The following KCNIP4 variants were observed in gnomAD, a reference collection of about 807,000 sequenced individuals.
The protein encoded by KCNIP4 is Kv channel-interacting protein 4.
In KCNIP4, 12 loss-of-function variants were observed where a neutral mutation model predicts 34.0. The ratio of observed to expected loss-of-function variants is 0.35; its 90% CI spans 0.23 to 0.57. The LOEUF (loss-of-function observed/expected upper bound fraction) is 0.57. KCNIP4 is among the 20% of genes least tolerant of loss of function. The probability of loss-of-function intolerance (pLI) is 0.83; values close to 1 mark genes in which losing one functional copy is unlikely to be tolerated. For synonymous variants in KCNIP4, 124 were observed against 102.2 expected (o/e 1.21, Z -1.29); for missense variants, 238 against 311.7 (o/e 0.76, Z 1.78).
At chr4:21,358,497 C>T (rs976512585) in intron 1 of KCNIP4, among the ~76,000 whole-genome samples, 5 of 152,062 alleles carry the variant, frequency 3.3e-5, no homozygotes, top group African/African-American at 9.7e-5. Context: ...ATAGCTCAAA[C>T]AAGACCAAAA....
chr4:21,796,369 T>A (rs934639208), intron 1 of KCNIP4, among the ~76,000 whole-genome samples: 1 of 152,160 alleles, frequency 6.6e-6, no homozygotes, highest in Non-Finnish European at 1.5e-5. Flanking sequence ...CAACTCTTCA[T>A]GGTGTTGACT....
intron 1 of KCNIP4, among the ~76,000 whole-genome samples, chr4:20,962,304 A>G (rs1318538262): frequency 6.6e-6 from 1 of 152,196 alleles, no homozygotes; most frequent in Non-Finnish European, 1.5e-5. Context: ...TGTGACTGTC[A>G]GCATCACTCC....
At chr4:21,285,702 A>G (rs1258581049) in intron 1 of KCNIP4, among the ~76,000 whole-genome samples, 1 of 151,908 alleles carries the variant, frequency 6.6e-6, no homozygotes, top group Non-Finnish European at 1.5e-5. Context: ...AAAGCCAGGC[A>G]TGGTAGTAGG....
chr4:21,055,914 G>T (rs1743357861), intron 1 of KCNIP4, among the ~76,000 whole-genome samples: 1 of 152,140 alleles, frequency 6.6e-6, no homozygotes, highest in South Asian at 2.1e-4. Context: ...ACAATATCTA[G>T]AGTGAACCCT....
intron 1 of KCNIP4, among the ~76,000 whole-genome samples, chr4:21,542,787 C>G (rs898931329): frequency 6.6e-6 from 1 of 151,082 alleles, no homozygotes. Context: ...AATGAAGAAG[C>G]TCTTGGATTC....
intron 1 of KCNIP4, among the ~76,000 whole-genome samples, chr4:21,043,401 C>A (rs746532416): frequency 6.6e-6 from 1 of 152,198 alleles, no homozygotes; most frequent in African/African-American, 2.4e-5. Flanking sequence ...GCGATCTCAA[C>A]ACACTGCAAC....
At chr4:20,906,694 C>A (rs1169432653) in intron 1 of KCNIP4, among the ~76,000 whole-genome samples, 1 of 152,186 alleles carries the variant, frequency 6.6e-6, no homozygotes, top group Non-Finnish European at 1.5e-5. Flanking sequence ...CACATTAGAG[C>A]CAATATACCC....
intron 3 of KCNIP4, among the ~76,000 whole-genome samples, chr4:20,789,797 A>G (rs896367624): frequency 2.6e-5 from 4 of 151,236 alleles, no homozygotes; most frequent in African/African-American, 9.7e-5. Flanking sequence ...CTCAGATATT[A>G]GCTGAGCCAT....
chr4:21,915,234 T>G (rs529762156), intron 1 of KCNIP4, among the ~76,000 whole-genome samples: 2 of 152,232 alleles, frequency 1.3e-5, no homozygotes, highest in African/African-American at 4.8e-5. Flanking sequence ...ACTCACAAAA[T>G]TGGCTGAAAT....
chr4:20,956,973 T>C (rs1438913572), intron 1 of KCNIP4, among the ~76,000 whole-genome samples: 3 of 152,056 alleles, frequency 2.0e-5, no homozygotes. Context: ...CTGATGTATA[T>C]AGTTTGATTA....
chr4:21,477,595 C>T (rs959778041), intron 1 of KCNIP4, among the ~76,000 whole-genome samples: 1 of 152,114 alleles, frequency 6.6e-6, no homozygotes, highest in Non-Finnish European at 1.5e-5. Flanking sequence ...ATATATATAA[C>T]TAACTTTCCT....
At chr4:21,365,407 C>T (rs774153912) in intron 1 of KCNIP4, among the ~76,000 whole-genome samples, 11 of 150,966 alleles carry the variant, frequency 7.3e-5, no homozygotes, top group Non-Finnish European at 1.2e-4. Context: ...ATCCCTTGAA[C>T]CTGAAGGGTG....
chr4:21,398,562 C>G (rs1414568900), intron 1 of KCNIP4, among the ~76,000 whole-genome samples: 1 of 152,242 alleles, frequency 6.6e-6, no homozygotes, highest in Non-Finnish European at 1.5e-5. Context: ...AATGCATACA[C>G]ATGCACATGT....
chr4:21,586,839 G>A (rs1001659203), intron 1 of KCNIP4, among the ~76,000 whole-genome samples: 3 of 152,038 alleles, frequency 2.0e-5, no homozygotes, highest in Non-Finnish European at 4.4e-5. Context: ...TCACTTATGT[G>A]TGTGCTATTC....
At chr4:21,871,835 T>A (rs1725838909) in intron 1 of KCNIP4, among the ~76,000 whole-genome samples, 1 of 136,082 alleles carries the variant, frequency 7.3e-6, no homozygotes, top group Non-Finnish European at 1.5e-5. Context: ...TGTTCACTGA[T>A]CCCCTCTCCT....
At chr4:21,129,299 C>T (rs1340069815) in intron 1 of KCNIP4, among the ~76,000 whole-genome samples, 11 of 152,100 alleles carry the variant, frequency 7.2e-5, no homozygotes, top group African/African-American at 1.9e-4. Flanking sequence ...TCCCAGTCTC[C>T]GGTATGTCTT....
At chr4:21,004,452 C>A (rs1327863022) in intron 1 of KCNIP4, among the ~76,000 whole-genome samples, 1 of 152,166 alleles carries the variant, frequency 6.6e-6, no homozygotes, top group Non-Finnish European at 1.5e-5. Flanking sequence ...TGTATCCCTG[C>A]ACCATCGCTG....
At chr4:21,634,044 C>T (rs1222605977) in intron 1 of KCNIP4, among the ~76,000 whole-genome samples, 1 of 151,840 alleles carries the variant, frequency 6.6e-6, no homozygotes, top group Admixed American at 6.6e-5. Context: ...GAAATATCAT[C>T]TCAGTGTTAC....
chr4:21,324,233 C>G (rs779680090), intron 1 of KCNIP4, among the ~76,000 whole-genome samples: 1 of 151,836 alleles, frequency 6.6e-6, no homozygotes, highest in African/African-American at 2.4e-5. Context: ...CTTTGCTGTG[C>G]AGAAATATTT....
Sources: allele counts gnomAD v4.1 joint callset (sites outside exome capture counted in the v4.1 genomes callset), GRCh38; gene constraint gnomAD v4.1.1; transcripts MANE v1.5; gene names NCBI Gene and HGNC (gene_info 2026-07-23, HGNC 2026-07-21).